CREBBP: variants seen among roughly 807,000 people sequenced by gnomAD.
The protein encoded by CREBBP is CREB binding lysine acetyltransferase.
CREBBP carries 19 observed loss-of-function variants against 265.0 expected under a neutral mutation model. The ratio of observed to expected loss-of-function variants is 0.07; its 90% confidence interval spans 0.05 to 0.11. CREBBP has a LOEUF of 0.11. Among genes scored for constraint, CREBBP ranks in the 10% least tolerant of loss-of-function variants. CREBBP has a pLI of 1.00. For synonymous variants in CREBBP, 1,457 were observed against 1,223.7 expected, an observed-to-expected ratio of 1.19 and a Z score of -3.98; for missense variants, 2,525 against 3,219.0, an observed-to-expected ratio of 0.78 and a Z score of 5.22.
intron 13 of CREBBP, 42 bp from the exon 14 acceptor site, chr16:3,771,028 T>C: frequency 6.2e-7 from 1 of 1,607,026 alleles, no homozygotes; most frequent in East Asian, 2.2e-5. Flanking sequence ...ATTTCCCCCG[T>C]TTGAAAATGT....
At position 3,728,176 on chromosome 16, in the gene CREBBP, G is replaced by A; in HGVS notation, c.6871C>T (p.Leu2291=). The A allele has an allele frequency of 1.2e-6, 2 of 1,614,100 alleles. No homozygotes were observed. The highest frequency in any genetic ancestry group is 1.7e-6 in the Non-Finnish European group (2 of 1,180,016). ...TGTTGCTGCAGAATCCGCTGCTGCA[G>A]GGCTTGCTGGATGTTGGGGGTGCTG... ...ADSTPNIQQA[L]QQRILQQQQM... Residue 2291 remains leucine, a synonymous_variant, in exon 31 of 31, where the codon CTG becomes TTG. Transcript: ENST00000262367. This position sits in a 1 kb window ranked among gnomAD's most constrained non-coding sequence, Gnocchi z 8.7.
intron 13 of CREBBP, among the ~76,000 whole-genome samples, chr16:3,772,601 G>A (rs1483744643): frequency 6.6e-6 from 1 of 152,116 alleles, no homozygotes; most frequent in Non-Finnish European, 1.5e-5. Context: ...CAGAAGTGAT[G>A]AAAACCAAGA....
At position 3,847,381 on chromosome 16, in the gene CREBBP, G is replaced by A. The variant is rs2054689854; in HGVS notation, c.798+2916C>T. 2.0e-5 allele frequency among the ~76,000 whole-genome samples: 3 copies of A among 152,048 alleles called. 1 individual carries two copies. In the South Asian group the frequency reaches 6.2e-4, roughly 32 times the overall value. On this transcript the variant is annotated intron_variant, in intron 2 of 30. Coordinates refer to ENST00000262367, the MANE Select transcript of CREBBP (RefSeq NM_004380.3). ...TCCCTGTGCATCTTAAAATCTAGTT[G>A]GCTCTGCTATCGTAAGGTTCTAGAG... is the stretch of plus-strand genomic sequence containing the variant.
chr16:3,768,510 C>T (rs904536622), intron 15 of CREBBP, among the ~76,000 whole-genome samples: 3 of 152,138 alleles, frequency 2.0e-5, no homozygotes, highest in African/African-American at 7.2e-5. Flanking sequence ...TTTTTCACTA[C>T]AGATATTTCT....
At chr16:3,743,977 G>T (rs1158564293) in intron 23 of CREBBP, among the ~76,000 whole-genome samples, 1 of 152,122 alleles carries the variant, frequency 6.6e-6, no homozygotes, top group East Asian at 1.9e-4. Context: ...TCGGGAGGCT[G>T]AGGCAGGAGA....
At chr16:3,762,919 C>A (rs1039748924) in intron 16 of CREBBP, among the ~76,000 whole-genome samples, 2 of 151,956 alleles carry the variant, frequency 1.3e-5, no homozygotes, top group East Asian at 1.9e-4. Flanking sequence ...GGACTACAGG[C>A]GCCTGTCACC....
intron 2 of CREBBP, among the ~76,000 whole-genome samples, chr16:3,849,466 T>C (rs1284284290): frequency 2.3e-5 from 3 of 131,152 alleles, no homozygotes; most frequent in African/African-American, 8.4e-5. Context: ...TGTGTGTGTG[T>C]GTGTGTGTGT....
chr16:3,740,440 G>C lies in CREBBP; in HGVS notation c.4092C>G (p.Ser1364Arg), dbSNP rs2151340176. The change falls in exon 24 of 31, where the codon AGC becomes AGG. Residue 1364 changes from serine (S) to arginine (R), a missense_variant. This residue lies in a region of CREBBP where 252 missense variants were observed against 452.5 expected (regional missense o/e 0.56). Transcript: ENST00000262367. The part of the protein sequence containing the change: ...AGEVFVRVVA[S>R]SDKTVEVKPG... Reference sequence around the variant, plus strand: ...GCTTGACCTCCACCGTCTTGTCTGAGCTGGCCACCACTCGGACAAAAACCT... The same window carrying C: ...GCTTGACCTCCACCGTCTTGTCTGACCTGGCCACCACTCGGACAAAAACCT... 6.2e-7 allele frequency: 1 copy of C among 1,614,178 alleles called. No homozygotes were observed. Among genetic ancestry groups the C allele is most frequent in the Non-Finnish European group, 8.5e-7 (1 of 1,180,036 alleles).
rs185058274 is a variant in CREBBP at position 3,813,136 on chromosome 16, A to C, written c.799-2357T>G. The C allele has an allele frequency of 2.6e-5, 6 of 230,618 alleles. No individual in the cohort carries two copies. In the Admixed American group the frequency reaches 3.4e-4, roughly 13 times the overall value. The allele number at this position is 230,618 out of a possible 1,614,324, so 14.3% of individuals were successfully genotyped here. On this transcript the variant is annotated intron_variant, in intron 2 of 30. Transcript: ENST00000262367. ...TGCTGAAATGCCTGTACAGAAACAC[A>C]AATAAAAACCAAAGGAGTATAACCA...
Position 3,731,770 on chromosome 16 carries a change from G to C in CREBBP, c.4890+6C>G, listed in dbSNP as rs1567265838. The C allele has an allele frequency of 1.2e-6, 2 of 1,614,208 alleles. No individual in the cohort carries two copies. Among genetic ancestry groups the C allele is most frequent in the Non-Finnish European group, 1.7e-6 (2 of 1,180,032 alleles). ...GCACGGCTGCAGCACCGCAGCCCACGCCTACCTCCTTGTGCTTCTCCATGG... is the reference window on the plus strand; with the variant it reads ...GCACGGCTGCAGCACCGCAGCCCACCCCTACCTCCTTGTGCTTCTCCATGG... On this transcript the variant is annotated splice_donor_region_variant and intron_variant, in intron 29 of 30. Transcript: ENST00000262367. The surrounding 1 kb of genome is among the most constrained non-coding windows in gnomAD (Gnocchi z 7.7).
intron 4 of CREBBP, 130 bp downstream of exon 4, chr16:3,793,256 G>T: frequency 7.9e-7 from 1 of 1,263,042 alleles, no homozygotes; most frequent in Non-Finnish European, 1.1e-6. Flanking sequence ...AGCGCAACAT[G>T]TCTTGCCACA....
Position 3,810,683 on chromosome 16 carries a change from T to C in CREBBP, c.895A>G (p.Ser299Gly), listed in dbSNP as rs149961222. 204 of 1,614,040 alleles carry C rather than the reference T, an allele frequency of 1.3e-4. No individual in the cohort carries two copies. In the African/African-American group the frequency reaches 2.5e-3, roughly 20 times the overall value. The stretch of plus-strand genomic sequence containing the variant: ...AAACTGTTGACCATGCTCTGTTTGC[T>C]GGCTAACTGGGGGTTCACTCCAGTG... ...GATGVNPQLA[S>G]KQSMVNSLPT... Residue 299 changes from serine (S) to glycine (G), a missense_variant, in exon 3 of 31, where the codon AGC becomes GGC. Around this residue, in one of 19 missense-constraint regions of CREBBP, gnomAD observed 126 missense variants for 171.9 expected, o/e 0.73. Transcript: ENST00000262367.
At chr16:3,735,399 C>T (rs531015683) in intron 28 of CREBBP, among the ~76,000 whole-genome samples, 97 of 152,260 alleles carry the variant, frequency 6.4e-4, no homozygotes, top group African/African-American at 2.1e-3. Context: ...CGGGTTCAAG[C>T]GATTCTCCTG....
chr16:3,791,948 T>C, intron 5 of CREBBP, 33 bp downstream of exon 5: 2 of 1,532,532 alleles, frequency 1.3e-6, no homozygotes, highest in Non-Finnish European at 1.8e-6. Flanking sequence ...TCTATTCTCA[T>C]CTCCAAGCTT....
At chr16:3,754,903 T>A (rs2052554169) in intron 19 of CREBBP, among the ~76,000 whole-genome samples, 1 of 152,136 alleles carries the variant, frequency 6.6e-6, no homozygotes, top group South Asian at 2.1e-4. Context: ...TAGTCAAAGT[T>A]GAAAATAAAA....
intron 21 of CREBBP, 77 bp from the exon 22 acceptor site, chr16:3,745,431 C>T (rs1017040309): frequency 2.7e-5 from 35 of 1,286,906 alleles, no homozygotes; most frequent in Admixed American, 1.3e-4. Flanking sequence ...TCTGTGTGTG[C>T]GTCCACACCT....
intron 2 of CREBBP, among the ~76,000 whole-genome samples, chr16:3,832,855 G>T (rs1260570127): frequency 6.6e-6 from 1 of 151,660 alleles, no homozygotes; most frequent in African/African-American, 2.4e-5. Context: ...GGAATGCAAG[G>T]CTGGTTCAAC....
In CREBBP at chr16:3,726,981, TAGAA is replaced by T. The variant is rs2051762347; in HGVS notation, c.*733_*736del. 1 of 233,574 alleles carries T rather than the reference TAGAA, an allele frequency of 4.3e-6. No homozygotes were observed. Among genetic ancestry groups the T allele is most frequent in the South Asian group, 1.8e-4 (1 of 5,526 alleles). The allele number at this position is 233,574 out of a possible 1,614,324, so 14.5% of individuals were successfully genotyped here. On this transcript the variant is annotated 3_prime_UTR_variant, in exon 31 of 31. Coordinates refer to ENST00000262367, the MANE Select transcript of CREBBP (RefSeq NM_004380.3). ...GCTTTTCCTCATTTCAAGTTTCACA[TAGAA>T]GAAAGAAAAGAAGGCTTCTTCTCTA...
intron 1 of CREBBP, among the ~76,000 whole-genome samples, chr16:3,871,022 G>A (rs1443470462): frequency 6.7e-6 from 1 of 149,900 alleles, no homozygotes; most frequent in East Asian, 1.9e-4. Flanking sequence ...GGAGGGGAAG[G>A]GGAAGGGGAA....
Sources: gnomAD v4.1 joint callset for allele counts (sites outside exome capture counted in the v4.1 genomes callset) on GRCh38, gnomAD v4.1.1 for gene constraint, gnomAD v4.1.1 regional missense constraint, Gnocchi (gnomAD v3.1) non-coding constraint, MANE v1.5 for transcripts, NCBI Gene and HGNC (gene_info 2026-07-23, HGNC 2026-07-21) for gene names.